The following HSD17B14 variants were observed in gnomAD, a reference collection of about 807,000 sequenced individuals.
The protein encoded by HSD17B14 is hydroxysteroid 17-beta dehydrogenase 14.
In HSD17B14, 32 loss-of-function variants were observed where a neutral mutation model predicts 32.2. The observed-to-expected ratio is 0.99, with a 90% CI of 0.75 to 1.33. The LOEUF (loss-of-function observed/expected upper bound fraction) is 1.33, where lower values mean the gene tolerates loss of function less well. HSD17B14 is among the 40% of genes most tolerant of loss of function. The probability of loss-of-function intolerance (pLI) is 0.00; values close to 1 mark genes in which losing one functional copy is unlikely to be tolerated. For missense variants in HSD17B14, 370 were observed against 366.5 expected (o/e 1.01, Z -0.08); for synonymous variants, 140 against 155.4 (o/e 0.90, Z 0.74).
rs1195700171 is a variant in HSD17B14, at chr19:48,832,736, A to G, written c.211-4T>C. On this transcript the variant is annotated splice_polypyrimidine_tract_variant and splice_region_variant and intron_variant, in intron 3 of 8. Coordinates refer to ENST00000263278, the MANE Select transcript of HSD17B14 (RefSeq NM_016246.3). ...GGATGGTCTCAGAAACCAGGGTCTG[A>G]GGAGAAAGGAAATGTCCTTTGTTTT... 1 of 1,607,594 alleles carries G rather than the reference A, an allele frequency of 6.2e-7. No homozygotes were observed. Among genetic ancestry groups the G allele is most frequent in the Non-Finnish European group, 8.5e-7 (1 of 1,176,942 alleles).
intron 4 of HSD17B14, among the ~76,000 whole-genome samples, chr19:48,832,022 G>A (rs2035345801): frequency 6.7e-6 from 1 of 149,078 alleles, no homozygotes; most frequent in Non-Finnish European, 1.5e-5. Context: ...AGGTTGCAGT[G>A]AGCCTAGATC....
intron 5 of HSD17B14, among the ~76,000 whole-genome samples, chr19:48,822,406 AATGATGGTGGTG>A (rs2035173030): frequency 1.6e-5 from 2 of 124,062 alleles, no homozygotes; most frequent in African/African-American, 6.3e-5. Flanking sequence ...TGATTGTGGT[AATGATGGTGGTG>A]ATGATGGTGA....
At position 48,813,667 on chromosome 19, in the gene HSD17B14, T is replaced by G. The variant is rs1177424921; in HGVS notation, c.538A>C (p.Asn180His). Reference protein sequence around the residue: ...LDESPYGVRVNCISPGNIWTP... With the variant: ...LDESPYGVRVHCISPGNIWTP... ...CGCCTGCTCAGAGCAGCTCACCAGT[T>G]GACTCGGACACCATATGGACTTTCA... The change falls in exon 7 of 9, where the codon AAC becomes CAC. Residue 180 changes from asparagine to histidine, a missense_variant. Asn to His is a moderately conservative substitution (Grantham distance 68). Transcript: ENST00000263278. The G allele has an allele frequency of 1.2e-6, 2 of 1,614,172 alleles. No homozygotes were observed. The highest frequency in any genetic ancestry group is 2.2e-5 in the East Asian group (1 of 44,880).
At chr19:48,819,533 C>T (rs2035111758) in intron 5 of HSD17B14, among the ~76,000 whole-genome samples, 1 of 152,184 alleles carries the variant, frequency 6.6e-6, no homozygotes, top group South Asian at 2.1e-4. Context: ...TGCAACATCC[C>T]GTTCTCTCAC....
At chr19:48,814,205 GAAGAAAAGAA>G (rs528225019) in intron 6 of HSD17B14, among the ~76,000 whole-genome samples, 1 of 146,616 alleles carries the variant, frequency 6.8e-6, no homozygotes, top group South Asian at 2.1e-4. Context: ...AAAAAAAAAA[GAAGAAAAGAA>G]AAGAAAAGAA....
chr19:48,826,321 C>T (rs369100944), intron 5 of HSD17B14, among the ~76,000 whole-genome samples: 1 of 149,804 alleles, frequency 6.7e-6, no homozygotes. Context: ...AGTGAGACCC[C>T]CAACTCTACA....
In HSD17B14 at chr19:48,836,417, G is replaced by C. The variant is rs774251367; in HGVS notation, c.-6C>G. 5 of 1,612,472 alleles carry C rather than the reference G, an allele frequency of 3.1e-6. No individual in the cohort carries two copies. In the East Asian group the frequency reaches 1.1e-4, roughly 36 times the overall value. ...TAGCGCGTTCCCGTAGCCATCCCGT[G>C]TACGTCGGTCTCTCTCTCTCTCTAC... On this transcript the variant is annotated 5_prime_UTR_variant, in exon 1 of 9. An upstream open reading frame in the 5' UTR gains an earlier in-frame stop. Coordinates refer to ENST00000263278, the MANE Select transcript of HSD17B14 (RefSeq NM_016246.3).
At chr19:48,814,143 T>G (rs113359641) in intron 6 of HSD17B14, among the ~76,000 whole-genome samples, 2,991 of 148,858 alleles carry the variant, frequency 0.02, 90 homozygotes, top group African/African-American at 0.071. Context: ...TGCAGTGAGC[T>G]GAGATCATGC....
At chr19:48,822,797 G>A (rs920606254) in intron 5 of HSD17B14, among the ~76,000 whole-genome samples, 23 of 151,886 alleles carry the variant, frequency 1.5e-4, no homozygotes, top group African/African-American at 4.1e-4. Flanking sequence ...TGATGGTGAC[G>A]ATGATGATGG....
chr19:48,835,303 G>A (rs1443417914), intron 2 of HSD17B14, among the ~76,000 whole-genome samples: 1 of 96,874 alleles, frequency 1.0e-5, no homozygotes, highest in Non-Finnish European at 1.9e-5. Flanking sequence ...GGGGATGGGG[G>A]CCTGGACTCC....
rs1255135532 is a variant in HSD17B14 at position 48,813,312 on chromosome 19, C to G, written c.676G>C (p.Ala226Pro). The G allele has an allele frequency of 1.9e-6, 3 of 1,597,444 alleles. No individual in the cohort carries two copies. Among genetic ancestry groups the G allele is most frequent in the Non-Finnish European group, 2.6e-6 (3 of 1,172,102 alleles). ...GRMGQPAEVG[A>P]AAVFLASEAN... ...TCGGAGGCCAGGAACACTGCCGCAG[C>G]CCCGACCTCAGCGGGCTGGCCCATG... Residue 226 changes from alanine to proline, a missense_variant, in exon 9 of 9, where the codon GCT (alanine) becomes CCT (proline). Ala to Pro is a conservative substitution (Grantham distance 27). Coordinates refer to ENST00000263278, the MANE Select transcript of HSD17B14 (RefSeq NM_016246.3).
intron 5 of HSD17B14, among the ~76,000 whole-genome samples, chr19:48,817,647 G>A (rs1274577764): frequency 3.3e-5 from 5 of 152,106 alleles, no homozygotes; most frequent in Admixed American, 3.3e-4. Context: ...AACCTATGAG[G>A]GATGGTCAAG....
rs541412439 is a variant in HSD17B14, at chr19:48,813,671, T to C, written c.534A>G (p.Arg178=). The C allele has an allele frequency of 2.2e-5, 35 of 1,614,182 alleles. No homozygotes were observed. The South Asian group carries it at 3.7e-4, about 17-fold the overall frequency. The part of the protein sequence containing the change: ...LALDESPYGV[R]VNCISPGNIW... Reference sequence around the variant, plus strand: ...TGCTCAGAGCAGCTCACCAGTTGACTCGGACACCATATGGACTTTCATCCA... The same window carrying C: ...TGCTCAGAGCAGCTCACCAGTTGACCCGGACACCATATGGACTTTCATCCA... Residue 178 remains arginine (R), a synonymous_variant, in exon 7 of 9, where the codon CGA becomes CGG. Transcript: ENST00000263278.
chr19:48,815,101 A>G lies in HSD17B14; in HGVS notation c.410T>C (p.Ile137Thr). The G allele has an allele frequency of 6.2e-7, 1 of 1,613,940 alleles. No homozygotes were observed. Among genetic ancestry groups the G allele is most frequent in the African/African-American group, 1.3e-5 (1 of 75,010 alleles). The change falls in exon 6 of 9, where the codon ATC (isoleucine) becomes ACC (threonine). Residue 137 changes from isoleucine to threonine, a missense_variant. Ile to Thr is a moderately conservative substitution (Grantham distance 89, BLOSUM62 -1). Transcript: ENST00000263278. The part of the protein sequence containing the change: ...PYLRKSQGNV[I>T]NISSLVGAIG... ...TGCCCCCACCAGGCTGGAGATGTTGATGACATTCCCTTGACTCTTCCGCAG... is the reference window on the plus strand; with the variant it reads ...TGCCCCCACCAGGCTGGAGATGTTGGTGACATTCCCTTGACTCTTCCGCAG...
At chr19:48,825,992 T>C (rs901245477) in intron 5 of HSD17B14, among the ~76,000 whole-genome samples, 1 of 151,898 alleles carries the variant, frequency 6.6e-6, no homozygotes, top group African/African-American at 2.4e-5. Context: ...AGCTATTTTT[T>C]TGTATTTTTA....
intron 2 of HSD17B14, among the ~76,000 whole-genome samples, chr19:48,835,598 C>T (rs189718261): frequency 6.3e-5 from 9 of 141,926 alleles, no homozygotes; most frequent in South Asian, 2.2e-4. Flanking sequence ...GGCTGGGGAC[C>T]TGGACTCCTG....
intron 5 of HSD17B14, among the ~76,000 whole-genome samples, chr19:48,821,940 C>CG (rs143869385): frequency 0.72 from 107,997 of 150,792 alleles, 38,593 homozygotes; most frequent in Admixed American, 0.75. Flanking sequence ...AGGATGGTGA[C>CG]GTGGTAATGA....
At chr19:48,832,835 C>T in intron 3 of HSD17B14, 103 bp from the exon 4 acceptor site, 1 of 929,414 alleles carries the variant, frequency 1.1e-6, no homozygotes, top group Non-Finnish European at 1.7e-6. Flanking sequence ...CTCACTGCAA[C>T]TTCAGCCTCC....
At chr19:48,824,080 C>A (rs1471571616) in intron 5 of HSD17B14, among the ~76,000 whole-genome samples, 2 of 146,432 alleles carry the variant, frequency 1.4e-5, no homozygotes, top group African/African-American at 5.0e-5. Context: ...CATGGTGAAA[C>A]CCTGTCTCTC....
Sources: allele counts gnomAD v4.1 joint callset (sites outside exome capture counted in the v4.1 genomes callset), GRCh38; gene constraint gnomAD v4.1.1; transcripts MANE v1.5; gene names NCBI Gene and HGNC (gene_info 2026-07-23, HGNC 2026-07-21).